The following LRP1B variants were observed in gnomAD, a reference collection of about 807,000 sequenced individuals.
The protein encoded by LRP1B is LDL receptor related protein 1B.
LRP1B carries 217 observed loss-of-function variants against 556.6 expected under a neutral mutation model. The observed-to-expected ratio is 0.39, with a 90% confidence interval of 0.35 to 0.44. LRP1B has a LOEUF of 0.44. LRP1B is among the 20% of genes least tolerant of loss of function. The probability of loss-of-function intolerance (pLI) is 1.00; values close to 1 mark genes in which losing one functional copy is unlikely to be tolerated. For synonymous variants in LRP1B, 2,047 were observed against 1,865.8 expected (o/e 1.10, Z -2.50); for missense variants, 5,053 against 5,620.8 (o/e 0.90, Z 3.23).
chr2:140,867,962 T>A (rs1573821314), intron 26 of LRP1B, 128 bp from the exon 27 acceptor site: 4 of 1,297,172 alleles, frequency 3.1e-6, no homozygotes, highest in Middle Eastern at 2.6e-4. Context: ...TGTATCTGAT[T>A]TGGGGCAAGC....
intron 84 of LRP1B, among the ~76,000 whole-genome samples, chr2:140,283,681 C>G (rs1288314561): frequency 6.6e-6 from 1 of 151,630 alleles, no homozygotes; most frequent in Non-Finnish European, 1.5e-5. Flanking sequence ...AAATTTTTGA[C>G]AAACTGCCAT....
chr2:141,602,093 G>C (rs1169570622), intron 2 of LRP1B, among the ~76,000 whole-genome samples: 2 of 152,012 alleles, frequency 1.3e-5, no homozygotes. Context: ...CATCCACCAA[G>C]AGCTCCAATT....
intron 7 of LRP1B, among the ~76,000 whole-genome samples, chr2:141,130,747 T>C (rs1455170637): frequency 6.6e-6 from 1 of 152,090 alleles, no homozygotes; most frequent in Non-Finnish European, 1.5e-5. Context: ...CCCACCTTTT[T>C]ACAATAGCAA....
At chr2:140,774,017 C>A (rs1394141114) in intron 33 of LRP1B, among the ~76,000 whole-genome samples, 1 of 152,074 alleles carries the variant, frequency 6.6e-6, no homozygotes, top group East Asian at 1.9e-4. Flanking sequence ...AATAAGAATT[C>A]TCAACTCTCC....
Position 140,907,967 on chromosome 2 carries a change from C to A in LRP1B, c.3430G>T (p.Ala1144Ser). The A allele has an allele frequency of 6.2e-7, 1 of 1,613,576 alleles. No homozygotes were observed. Among genetic ancestry groups the A allele is most frequent in the South Asian group, 1.1e-5 (1 of 91,066 alleles). ...TGCAGGCAGACTGAGGTGTCATTAG[C>A]ACAAGGATGCTTGGGTGGTCCACAC... ...FLCGPPKHPC[A>S]NDTSVCLQPE... Residue 1144 changes from alanine to serine, a missense_variant, in exon 22 of 91, where the codon GCT (alanine) becomes TCT (serine). Around this residue, in one of 5 missense-constraint regions of LRP1B, gnomAD observed 3,619 missense variants for 3,931.9 expected, o/e 0.92. Coordinates refer to ENST00000389484, the MANE Select transcript of LRP1B (RefSeq NM_018557.3).
intron 6 of LRP1B, among the ~76,000 whole-genome samples, chr2:141,190,650 C>T (rs1043890542): frequency 6.6e-5 from 10 of 151,884 alleles, no homozygotes; most frequent in Non-Finnish European, 1.5e-4. Flanking sequence ...GGTCTGTTTC[C>T]CTCAATAATG....
At chr2:141,528,909 T>G (rs1457644594) in intron 2 of LRP1B, among the ~76,000 whole-genome samples, 2 of 152,192 alleles carry the variant, frequency 1.3e-5, no homozygotes, top group Non-Finnish European at 2.9e-5. Flanking sequence ...TATTTAATAA[T>G]AAATAACAAT....
chr2:141,244,845 C>A (rs558885829), intron 5 of LRP1B, among the ~76,000 whole-genome samples: 1 of 152,156 alleles, frequency 6.6e-6, no homozygotes, highest in South Asian at 2.1e-4. Context: ...CAACAACATT[C>A]CCATGGTAAC....
intron 1 of LRP1B, among the ~76,000 whole-genome samples, chr2:141,983,036 T>C (rs1702085296): frequency 6.6e-6 from 1 of 152,074 alleles, no homozygotes; most frequent in Non-Finnish European, 1.5e-5. Context: ...TAAATAGTGT[T>C]CTAGAACAGG....
intron 2 of LRP1B, among the ~76,000 whole-genome samples, chr2:141,595,059 A>G (rs1687470481): frequency 6.6e-6 from 1 of 152,138 alleles, no homozygotes; most frequent in Admixed American, 6.6e-5. Context: ...ACGGAATAGT[A>G]CAAACAGAAT....
chr2:140,839,536 T>C (rs1172465349), intron 31 of LRP1B, among the ~76,000 whole-genome samples: 4 of 152,200 alleles, frequency 2.6e-5, no homozygotes, highest in African/African-American at 7.2e-5. Context: ...CCATGCTGGA[T>C]ACTTCCTGCC....
At chr2:140,973,408 A>G (rs959797637) in intron 18 of LRP1B, among the ~76,000 whole-genome samples, 1 of 152,108 alleles carries the variant, frequency 6.6e-6, no homozygotes, top group Non-Finnish European at 1.5e-5. Context: ...AAAAAAGTTA[A>G]GAATTGTAGG....
At chr2:142,123,322 T>C (rs1003372704) in intron 1 of LRP1B, among the ~76,000 whole-genome samples, 5 of 152,038 alleles carry the variant, frequency 3.3e-5, no homozygotes, top group African/African-American at 1.2e-4. Context: ...AGGAATTATA[T>C]ATTCGTATTT....
chr2:140,615,200 A>G (rs1425509938), intron 41 of LRP1B, among the ~76,000 whole-genome samples: 1 of 152,066 alleles, frequency 6.6e-6, no homozygotes, highest in Non-Finnish European at 1.5e-5. Context: ...AGCTGGTGCC[A>G]CCTGGACTGG....
chr2:140,383,753 G>A (rs911948170), intron 67 of LRP1B, among the ~76,000 whole-genome samples: 2 of 151,976 alleles, frequency 1.3e-5, no homozygotes, highest in Admixed American at 6.6e-5. Context: ...ATTCTTGTTC[G>A]CTGTCATCTC....
intron 3 of LRP1B, among the ~76,000 whole-genome samples, chr2:141,430,725 A>C (rs1056348309): frequency 6.6e-6 from 1 of 152,162 alleles, no homozygotes; most frequent in African/African-American, 2.4e-5. Context: ...CAGAATATTA[A>C]AGCTATTCCC....
intron 21 of LRP1B, among the ~76,000 whole-genome samples, chr2:140,922,630 T>C (rs920240686): frequency 6.6e-6 from 1 of 152,026 alleles, no homozygotes; most frequent in Non-Finnish European, 1.5e-5. Context: ...TATTCCAGAT[T>C]GCCTGGTTTA....
intron 2 of LRP1B, among the ~76,000 whole-genome samples, chr2:141,503,611 T>G (rs1683810314): frequency 6.6e-6 from 1 of 152,112 alleles, no homozygotes; most frequent in Admixed American, 6.6e-5. Flanking sequence ...TAATTTGCAG[T>G]GTGCCAGAAA....
At chr2:141,888,341 G>T (rs1239745207) in intron 1 of LRP1B, among the ~76,000 whole-genome samples, 1 of 152,184 alleles carries the variant, frequency 6.6e-6, no homozygotes, top group Non-Finnish European at 1.5e-5. Context: ...GAAGTGTGAA[G>T]AGGAAGGTAA....
Sources: allele counts gnomAD v4.1 joint callset (sites outside exome capture counted in the v4.1 genomes callset), GRCh38; gene constraint gnomAD v4.1.1; regional missense constraint gnomAD v4.1.1; transcripts MANE v1.5; gene names NCBI Gene and HGNC (gene_info 2026-07-23, HGNC 2026-07-21).